The following EPB41L2 variants were observed in gnomAD, a reference collection of about 807,000 sequenced individuals.
EPB41L2 encodes the protein band 4.1-like protein 2.
A neutral mutation model predicts 113.0 loss-of-function variants in EPB41L2; 43 were observed. The observed-to-expected ratio is 0.38, with a 90% CI of 0.30 to 0.49. The LOEUF is 0.49. EPB41L2 is among the 20% of genes least tolerant of loss of function. EPB41L2 has a pLI of 0.95. For missense variants in EPB41L2, 1,147 were observed against 1,223.4 expected (o/e 0.94, Z 0.93); for synonymous variants, 442 against 436.7 (o/e 1.01, Z -0.15).
intron 1 of EPB41L2, among the ~76,000 whole-genome samples, chr6:131,003,255 A>G (rs1355638797): frequency 6.6e-6 from 1 of 152,248 alleles, no homozygotes; most frequent in African/African-American, 2.4e-5. Context: ...TGTTTACTTA[A>G]AGATTTATTC....
At chr6:130,934,604 CT>C (rs1808116931) in intron 3 of EPB41L2, among the ~76,000 whole-genome samples, 1 of 152,080 alleles carries the variant, frequency 6.6e-6, no homozygotes, top group Non-Finnish European at 1.5e-5. Context: ...TCCTGAGTAT[CT>C]GAGACTACAG....
At chr6:131,029,249 C>T (rs61069156) in intron 1 of EPB41L2, among the ~76,000 whole-genome samples, 62 of 152,170 alleles carry the variant, frequency 4.1e-4, no homozygotes, top group African/African-American at 1.4e-3. Context: ...TTACAACTTC[C>T]TCCTTTAGTG....
intron 1 of EPB41L2, among the ~76,000 whole-genome samples, chr6:131,005,994 CTCCT>C (rs757306508): frequency 3.3e-4 from 50 of 152,242 alleles, no homozygotes; most frequent in Non-Finnish European, 7.1e-4. Flanking sequence ...TCTCTTTCCT[CTCCT>C]TCCTTATTTC....
intron 3 of EPB41L2, among the ~76,000 whole-genome samples, chr6:130,938,274 A>C (rs868357321): frequency 5.3e-5 from 8 of 152,320 alleles, no homozygotes; most frequent in Middle Eastern, 6.8e-3. Flanking sequence ...CTCAGTTTTT[A>C]AACATTGATC....
chr6:130,852,195 C>T (rs1778951977), intron 19 of EPB41L2, among the ~76,000 whole-genome samples: 1 of 152,130 alleles, frequency 6.6e-6, no homozygotes, highest in Admixed American at 6.5e-5. Context: ...ATTATCATCC[C>T]CAGTTTACAG....
intron 1 of EPB41L2, among the ~76,000 whole-genome samples, chr6:131,019,556 C>T (rs562469712): frequency 1.3e-5 from 2 of 152,242 alleles, no homozygotes; most frequent in African/African-American, 4.8e-5. Context: ...CATTATTTAG[C>T]ATGGTAGAGA....
chr6:130,867,812 A>G (rs565416096), intron 15 of EPB41L2: 28 of 476,136 alleles, frequency 5.9e-5, no homozygotes, highest in Non-Finnish European at 9.2e-5. Flanking sequence ...GTACATATAT[A>G]TGAATGTGTG....
At chr6:130,876,233 T>C (rs1787524658) in intron 14 of EPB41L2, among the ~76,000 whole-genome samples, 1 of 152,144 alleles carries the variant, frequency 6.6e-6, no homozygotes, top group South Asian at 2.1e-4. Flanking sequence ...TGCATCAAAA[T>C]CTTTGTTCCC....
At chr6:130,884,271 G>A (rs1359868208) in intron 12 of EPB41L2, among the ~76,000 whole-genome samples, 1 of 152,142 alleles carries the variant, frequency 6.6e-6, no homozygotes, top group Non-Finnish European at 1.5e-5. Context: ...GGAGGCAGAG[G>A]CTGCAGTGAG....
chr6:130,875,690 T>C (rs1158171088), intron 14 of EPB41L2, among the ~76,000 whole-genome samples: 2 of 152,126 alleles, frequency 1.3e-5, no homozygotes, highest in Non-Finnish European at 2.9e-5. Flanking sequence ...ACTTTCCAAG[T>C]ACCAATTAGA....
chr6:130,928,308 A>T (rs1218742174), intron 3 of EPB41L2, among the ~76,000 whole-genome samples: 1 of 152,172 alleles, frequency 6.6e-6, no homozygotes, highest in African/African-American at 2.4e-5. Context: ...TTCTAAATAC[A>T]CTTCCACTAC....
At chr6:130,954,698 G>GA (rs1416321872) in intron 3 of EPB41L2, among the ~76,000 whole-genome samples, 1 of 152,164 alleles carries the variant, frequency 6.6e-6, no homozygotes, top group African/African-American at 2.4e-5. Context: ...TTAATTAAAT[G>GA]AAAGTAAATA....
chr6:130,975,958 G>A (rs1778096559), intron 1 of EPB41L2, among the ~76,000 whole-genome samples: 1 of 152,192 alleles, frequency 6.6e-6, no homozygotes, highest in African/African-American at 2.4e-5. Flanking sequence ...AGCCTGGGAG[G>A]TGGAGGTTGC....
intron 14 of EPB41L2, among the ~76,000 whole-genome samples, chr6:130,871,796 C>T (rs1369267502): frequency 6.6e-6 from 1 of 152,228 alleles, no homozygotes; most frequent in Non-Finnish European, 1.5e-5. Context: ...ACCATGACTA[C>T]ATATAATAAA....
chr6:131,001,341 G>A (rs936790366), intron 1 of EPB41L2, among the ~76,000 whole-genome samples: 5 of 152,150 alleles, frequency 3.3e-5, no homozygotes, highest in African/African-American at 4.8e-5. Context: ...AAGAGAGCAC[G>A]TGAGCGCGAA....
At chr6:130,995,321 C>T (rs900278923) in intron 1 of EPB41L2, among the ~76,000 whole-genome samples, 1 of 150,944 alleles carries the variant, frequency 6.6e-6, no homozygotes, top group African/African-American at 2.4e-5. Context: ...GGCGACTAAG[C>T]GAGACTCCGT....
At chr6:130,939,087 T>C (rs2128581161) in intron 3 of EPB41L2, among the ~76,000 whole-genome samples, 1 of 152,202 alleles carries the variant, frequency 6.6e-6, no homozygotes, top group Admixed American at 6.5e-5. Flanking sequence ...TCCCCTTTAC[T>C]GCACAGGCTC....
chr6:130,864,327 G>T (rs1456436058), intron 17 of EPB41L2, among the ~76,000 whole-genome samples: 2 of 152,168 alleles, frequency 1.3e-5, no homozygotes, highest in Non-Finnish European at 2.9e-5. Context: ...TTTTAAAAAG[G>T]ATTTGCTTTG....
intron 1 of EPB41L2, among the ~76,000 whole-genome samples, chr6:131,060,636 C>A (rs754099752): frequency 3.9e-5 from 6 of 152,200 alleles, no homozygotes; most frequent in Non-Finnish European, 8.8e-5. Flanking sequence ...GCACAAAACT[C>A]ATTTGGAAAC....
Sources: gnomAD v4.1 joint callset for allele counts (sites outside exome capture counted in the v4.1 genomes callset) on GRCh38, gnomAD v4.1.1 for gene constraint, MANE v1.5 for transcripts, NCBI Gene and HGNC (gene_info 2026-07-23, HGNC 2026-07-21) for gene names.